DNM3: variants seen among roughly 807,000 people sequenced by gnomAD.
The protein encoded by DNM3 is dynamin 3.
Under a neutral mutation model 101.6 loss-of-function variants are expected in DNM3, and 47 were observed. The observed-to-expected ratio is 0.46, with a 90% confidence interval of 0.37 to 0.59. The LOEUF (loss-of-function observed/expected upper bound fraction) is 0.59. Ranked by LOEUF, DNM3 falls within the 20% of genes least tolerant of loss-of-function variation. The pLI is 0.00. For synonymous variants in DNM3, 385 were observed against 387.9 expected (o/e 0.99, Z 0.09); for missense variants, 849 against 1,085.7 (o/e 0.78, Z 3.06).
intron 14 of DNM3, among the ~76,000 whole-genome samples, chr1:172,225,675 G>C (rs1228968160): frequency 2.0e-5 from 3 of 151,722 alleles, no homozygotes; most frequent in African/African-American, 7.3e-5. Flanking sequence ...AACATCTTGA[G>C]CCCAGGAGAT....
rs534628212 is a variant in DNM3, at chr1:171,901,092, G to C, written c.162-20656G>C. ...CGCGCCACTGCACTCCAGCATGGGC[G>C]ACAGAGCGAGACTCTGTCTCAAAAA... is the stretch of plus-strand genomic sequence containing the variant. On this transcript the variant is annotated intron_variant, in intron 1 of 20. Coordinates refer to ENST00000627582, the MANE Select transcript of DNM3 (RefSeq NM_015569.5). 4.0e-5 allele frequency among the ~76,000 whole-genome samples: 5 copies of C among 125,640 alleles called. No homozygotes were observed. The Admixed American group carries it at 4.7e-4, about 12-fold the overall frequency. The allele number at this position is 125,640 out of a possible 152,430, so 82.4% of individuals were successfully genotyped here. A position where few individuals can be genotyped will look rare whatever the true frequency, so the allele number is the denominator to read the frequency against.
At chr1:172,317,841 A>ACTATTT (rs200158735) in intron 16 of DNM3, among the ~76,000 whole-genome samples, 10,531 of 152,250 alleles carry the variant, frequency 0.069, 427 homozygotes, top group East Asian at 0.13. Flanking sequence ...TCCTTCTGAA[A>ACTATTT]CTATTCCAAT....
intron 14 of DNM3, among the ~76,000 whole-genome samples, chr1:172,231,762 C>A (rs2061345557): frequency 6.6e-6 from 1 of 152,192 alleles, no homozygotes; most frequent in Non-Finnish European, 1.5e-5. Flanking sequence ...CTTGATGGAG[C>A]TGAAAACCAT....
chr1:172,065,437 T>G (rs1421642782), intron 10 of DNM3, among the ~76,000 whole-genome samples: 1 of 152,198 alleles, frequency 6.6e-6, no homozygotes, highest in Non-Finnish European at 1.5e-5. Context: ...TGGTGTCAGA[T>G]ACACCACTCA....
intron 13 of DNM3, among the ~76,000 whole-genome samples, chr1:172,115,644 T>C (rs1210961639): frequency 6.6e-6 from 1 of 152,230 alleles, no homozygotes; most frequent in African/African-American, 2.4e-5. Flanking sequence ...TCAGGACTTT[T>C]GTACTTATTC....
intron 10 of DNM3, among the ~76,000 whole-genome samples, chr1:172,051,553 A>T (rs1021181454): frequency 6.6e-6 from 1 of 152,178 alleles, no homozygotes; most frequent in Non-Finnish European, 1.5e-5. Flanking sequence ...GGAAATTGTA[A>T]ACCTTAAAGG....
chr1:172,112,305 T>A (rs2055543986), intron 13 of DNM3, among the ~76,000 whole-genome samples: 1 of 152,192 alleles, frequency 6.6e-6, no homozygotes, highest in Non-Finnish European at 1.5e-5. Context: ...AGAGGTTGGA[T>A]AACTTGTCTG....
intron 1 of DNM3, among the ~76,000 whole-genome samples, chr1:171,889,239 A>G (rs546751431): frequency 2.6e-5 from 4 of 152,274 alleles, no homozygotes; most frequent in African/African-American, 9.6e-5. Flanking sequence ...ATGGCCTCCC[A>G]AAGTTCTGAG....
intron 14 of DNM3, among the ~76,000 whole-genome samples, chr1:172,200,549 G>T (rs938916958): frequency 6.6e-6 from 1 of 152,094 alleles, no homozygotes; most frequent in Non-Finnish European, 1.5e-5. Flanking sequence ...CCAGTGATTT[G>T]TAGATTTGGC....
chr1:172,241,093 T>C (rs899696273), intron 14 of DNM3, among the ~76,000 whole-genome samples: 18 of 151,558 alleles, frequency 1.2e-4, no homozygotes, highest in Non-Finnish European at 2.5e-4. Flanking sequence ...ACCACCAGGA[T>C]TTTTTTTTCT....
chr1:172,037,911 G>A (rs1217612550), intron 6 of DNM3, among the ~76,000 whole-genome samples: 6 of 152,180 alleles, frequency 3.9e-5, no homozygotes, highest in Non-Finnish European at 7.3e-5. Flanking sequence ...TGAGAACACC[G>A]GGTAGCAGCT....
At chr1:172,269,886 A>T (rs1173724253) in intron 15 of DNM3, among the ~76,000 whole-genome samples, 1 of 152,132 alleles carries the variant, frequency 6.6e-6, no homozygotes, top group Non-Finnish European at 1.5e-5. Flanking sequence ...AATAAGCAGG[A>T]TTGCGAAAAT....
At chr1:172,036,903 A>G (rs1465845280) in intron 6 of DNM3, among the ~76,000 whole-genome samples, 2 of 152,214 alleles carry the variant, frequency 1.3e-5, no homozygotes, top group African/African-American at 4.8e-5. Flanking sequence ...TCATCTGACA[A>G]AGGGCTAATA....
At chr1:172,134,005 T>G (rs994264988) in intron 14 of DNM3, among the ~76,000 whole-genome samples, 1 of 152,150 alleles carries the variant, frequency 6.6e-6, no homozygotes, top group African/African-American at 2.4e-5. Context: ...TTAGAAAGAT[T>G]GCCCTGGCTG....
intron 4 of DNM3, among the ~76,000 whole-genome samples, chr1:172,002,388 T>G (rs1417605336): frequency 1.3e-5 from 2 of 152,078 alleles, no homozygotes; most frequent in Non-Finnish European, 2.9e-5. Flanking sequence ...CTGAAGGGTT[T>G]GGAGTCTTTG....
At chr1:171,894,750 C>T (rs1290815496) in intron 1 of DNM3, among the ~76,000 whole-genome samples, 1 of 152,142 alleles carries the variant, frequency 6.6e-6, no homozygotes, top group Non-Finnish European at 1.5e-5. Flanking sequence ...CCGACTCCCC[C>T]AGCAGGCCCT....
At chr1:172,092,037 G>T (rs1349974841) in intron 12 of DNM3, among the ~76,000 whole-genome samples, 1 of 152,162 alleles carries the variant, frequency 6.6e-6, no homozygotes, top group Non-Finnish European at 1.5e-5. Flanking sequence ...TGAATGTATG[G>T]TATAGAATTG....
chr1:172,010,945 C>T (rs536292586), intron 4 of DNM3, among the ~76,000 whole-genome samples: 1 of 151,532 alleles, frequency 6.6e-6, no homozygotes, highest in South Asian at 2.1e-4. Context: ...TCATACTTTC[C>T]TTATTCTTCA....
At position 171,961,035 on chromosome 1, in the gene DNM3, G is replaced by A. The variant is rs534772373; in HGVS notation, c.236-26621G>A. Among the ~76,000 whole-genome samples, 3 of 152,266 alleles carry A rather than the reference G, an allele frequency of 2.0e-5. No homozygotes were observed. In the South Asian group the frequency reaches 6.2e-4, roughly 32 times the overall value. On this transcript the variant is annotated intron_variant, in intron 2 of 20. Coordinates refer to ENST00000627582, the MANE Select transcript of DNM3 (RefSeq NM_015569.5). ...CCTATAATTGACAGTTGGCATCCAG[G>A]TCTCAGCTGAGTTTGGAAACCATTG...
Sources: allele counts gnomAD v4.1 joint callset (sites outside exome capture counted in the v4.1 genomes callset), GRCh38; gene constraint gnomAD v4.1.1; transcripts MANE v1.5; gene names NCBI Gene and HGNC (gene_info 2026-07-23, HGNC 2026-07-21).